CDK6: variants seen among roughly 807,000 people sequenced by gnomAD.
CDK6 encodes the protein cyclin dependent kinase 6.
A neutral mutation model predicts 37.1 loss-of-function variants in CDK6; 6 were observed. The ratio of observed to expected loss-of-function variants is 0.16; its 90% CI spans 0.09 to 0.32. CDK6 has a LOEUF of 0.32. CDK6 is among the 10% of genes least tolerant of loss of function. CDK6 has a pLI of 1.00. For synonymous variants in CDK6, 160 were observed against 161.3 expected (o/e 0.99, Z 0.06); for missense variants, 224 against 418.9 (o/e 0.53, Z 4.06).
intron 2 of CDK6, among the ~76,000 whole-genome samples, chr7:92,810,131 G>A (rs567684358): frequency 5.3e-5 from 8 of 152,236 alleles, no homozygotes; most frequent in Non-Finnish European, 1.0e-4. Context: ...ATATATATGC[G>A]TGTGTATGTG....
chr7:92,709,839 T>C (rs1585417989), intron 4 of CDK6, among the ~76,000 whole-genome samples: 2 of 152,334 alleles, frequency 1.3e-5, no homozygotes, highest in South Asian at 4.1e-4. Flanking sequence ...TGCTGATTGC[T>C]ATTATTAAGG....
chr7:92,638,319 G>A (rs375482505), intron 5 of CDK6, among the ~76,000 whole-genome samples: 8 of 152,182 alleles, frequency 5.3e-5, no homozygotes, highest in Non-Finnish European at 1.0e-4. Flanking sequence ...GCTGCAGGCT[G>A]AGCATGGAGC....
rs1795454300 is a variant in CDK6 at position 92,607,463 on chromosome 7, A to G, written c.*7677T>C. On this transcript the variant is annotated 3_prime_UTR_variant, in exon 8 of 8. Transcript: ENST00000424848. ...TACTTTAATTCCTTTACATAATGAT[A>G]AAACACCTAGATACCCAAAATACTA... 4.3e-6 allele frequency: 1 copy of G among 232,950 alleles called. No homozygotes were observed. The highest frequency in any genetic ancestry group is 2.2e-5 in the African/African-American group (1 of 45,346). 14.4% of individuals were successfully genotyped at this position (232,950 alleles called of 1,614,324 possible).
intron 2 of CDK6, among the ~76,000 whole-genome samples, chr7:92,797,340 G>A (rs904621729): frequency 2.0e-5 from 3 of 152,206 alleles, no homozygotes; most frequent in Non-Finnish European, 4.4e-5. Context: ...TTGGCTGGCA[G>A]ATGCAAGCAT....
In CDK6 at chr7:92,665,882, A is replaced by T. The variant is rs117469224; in HGVS notation, c.647+5544T>A. ...CATGGGGTCTTGGCTCTGTCATTTG[A>T]TTGTTGTATGCCCATGGGCAAGTTA... On this transcript the variant is annotated intron_variant, in intron 5 of 7. Transcript: ENST00000424848. Among the ~76,000 whole-genome samples, 520 of 152,324 alleles carry T rather than the reference A, an allele frequency of 3.4e-3. 3 individuals carry two copies. Among genetic ancestry groups the T allele is most frequent in the Middle Eastern group, 0.014 (4 of 294 alleles).
At chr7:92,832,315 A>G (rs1328190520) in intron 2 of CDK6, among the ~76,000 whole-genome samples, 1 of 152,196 alleles carries the variant, frequency 6.6e-6, no homozygotes, top group Non-Finnish European at 1.5e-5. Flanking sequence ...CCACTCGCAC[A>G]ATCCATCTGG....
chr7:92,718,184 A>G (rs1204106258), intron 4 of CDK6, among the ~76,000 whole-genome samples: 1 of 152,194 alleles, frequency 6.6e-6, no homozygotes, highest in African/African-American at 2.4e-5. Flanking sequence ...ATGTACTGGC[A>G]ACTGGATGTT....
At chr7:92,722,088 G>C (rs747897887) in intron 4 of CDK6, among the ~76,000 whole-genome samples, 1 of 152,000 alleles carries the variant, frequency 6.6e-6, no homozygotes, top group Non-Finnish European at 1.5e-5. Context: ...CTATATGTAA[G>C]AACATTTTGA....
intron 4 of CDK6, among the ~76,000 whole-genome samples, chr7:92,691,608 T>C (rs1315817163): frequency 1.3e-5 from 2 of 152,228 alleles, no homozygotes; most frequent in Non-Finnish European, 2.9e-5. Flanking sequence ...TTTTACATTT[T>C]AGAAAAAAGT....
chr7:92,624,691 A>G (rs1230567632), intron 5 of CDK6, among the ~76,000 whole-genome samples: 1 of 152,188 alleles, frequency 6.6e-6, no homozygotes, highest in Non-Finnish European at 1.5e-5. Flanking sequence ...AAAGATGACA[A>G]GGTGAGAAGT....
At chr7:92,656,025 G>C (rs1796690131) in intron 5 of CDK6, among the ~76,000 whole-genome samples, 1 of 152,118 alleles carries the variant, frequency 6.6e-6, no homozygotes, top group Non-Finnish European at 1.5e-5. Flanking sequence ...TTCCAGAGAA[G>C]GTTAAAGGCG....
intron 5 of CDK6, among the ~76,000 whole-genome samples, chr7:92,635,212 A>G (rs117172627): frequency 6.6e-6 from 1 of 152,190 alleles, no homozygotes; most frequent in African/African-American, 2.4e-5. Flanking sequence ...AAAACACTTA[A>G]GAATGGTCAC....
At chr7:92,678,335 C>T (rs1176304701) in intron 4 of CDK6, among the ~76,000 whole-genome samples, 1 of 151,906 alleles carries the variant, frequency 6.6e-6, no homozygotes, top group East Asian at 1.9e-4. Context: ...GTGATTGGAG[C>T]CAGCTGGAAC....
At chr7:92,628,396 C>A (rs1438226924) in intron 5 of CDK6, among the ~76,000 whole-genome samples, 6 of 152,000 alleles carry the variant, frequency 3.9e-5, no homozygotes, top group Non-Finnish European at 8.8e-5. Flanking sequence ...CTATTATATT[C>A]GTTTACCTGT....
intron 2 of CDK6, among the ~76,000 whole-genome samples, chr7:92,805,458 T>C (rs994946054): frequency 2.6e-5 from 4 of 152,152 alleles, no homozygotes; most frequent in Non-Finnish European, 5.9e-5. Flanking sequence ...CCAAAATGAG[T>C]GAGCTCAAGA....
chr7:92,792,302 T>G (rs989376694), intron 2 of CDK6, among the ~76,000 whole-genome samples: 6 of 152,224 alleles, frequency 3.9e-5, no homozygotes, highest in Middle Eastern at 3.4e-3. Context: ...TTGAATCATG[T>G]TTTGCAATTA....
At chr7:92,711,552 A>ATTTTTTTTTTTTTTTTTTTTTTTT (rs11285626) in intron 4 of CDK6, among the ~76,000 whole-genome samples, 6 of 56,626 alleles carry the variant, frequency 1.1e-4, no homozygotes, top group African/African-American at 4.9e-4. Context: ...GAATGGTCAA[A>ATTTTTTTTTTTTTTTTTTTTTTTT]TTTTTTTTTT....
chr7:92,771,739 G>A (rs1015401323), intron 3 of CDK6, among the ~76,000 whole-genome samples: 16 of 152,160 alleles, frequency 1.1e-4, no homozygotes, highest in African/African-American at 3.9e-4. Flanking sequence ...ATATCTGTAC[G>A]AGTATAGTCA....
At chr7:92,659,038 A>G (rs1279730737) in intron 5 of CDK6, among the ~76,000 whole-genome samples, 1 of 152,230 alleles carries the variant, frequency 6.6e-6, no homozygotes, top group African/African-American at 2.4e-5. Flanking sequence ...TTTTACATGC[A>G]AGGGCCCCAA....
Sources: gnomAD v4.1 joint callset for allele counts (sites outside exome capture counted in the v4.1 genomes callset) on GRCh38, gnomAD v4.1.1 for gene constraint, MANE v1.5 for transcripts, NCBI Gene and HGNC (gene_info 2026-07-23, HGNC 2026-07-21) for gene names.